The following GRID2 variants were observed in gnomAD, a reference collection of about 807,000 sequenced individuals.
GRID2 encodes the protein glutamate receptor ionotropic, delta-2.
GRID2 carries 33 observed loss-of-function variants against 114.8 expected under a neutral mutation model. The ratio of observed to expected loss-of-function variants is 0.29; its 90% confidence interval spans 0.22 to 0.38. The LOEUF (loss-of-function observed/expected upper bound fraction) is 0.38, where lower values mean the gene tolerates loss of function less well. Among genes scored for constraint, GRID2 ranks in the 10% least tolerant of loss-of-function variants. GRID2 has a pLI of 1.00. For synonymous variants in GRID2, 505 were observed against 449.9 expected (o/e 1.12, Z -1.55); for missense variants, 1,184 against 1,257.7 (o/e 0.94, Z 0.89).
intron 1 of GRID2, among the ~76,000 whole-genome samples, chr4:92,462,081 T>A (rs1489185438): frequency 6.6e-6 from 1 of 152,100 alleles, no homozygotes; most frequent in Non-Finnish European, 1.5e-5. Context: ...ATGTACTTCT[T>A]TAATTCACAA....
chr4:92,312,005 A>G lies in GRID2; in HGVS notation c.88+7261A>G, dbSNP rs559718363. Among the ~76,000 whole-genome samples the G allele has an allele frequency of 2.0e-4, 30 of 152,228 alleles. 1 individual carries two copies. In the South Asian group the frequency reaches 5.6e-3, roughly 28 times the overall value. ...ATGAAGGGTGACAAAGTATGTTTTCATTGGAACAGAGACTTGATCCAAAGA... is the reference window on the plus strand; with the variant it reads ...ATGAAGGGTGACAAAGTATGTTTTCGTTGGAACAGAGACTTGATCCAAAGA... On this transcript the variant is annotated intron_variant, in intron 1 of 15. Coordinates refer to ENST00000282020, the MANE Select transcript of GRID2 (RefSeq NM_001510.4).
At chr4:92,529,276 A>T (rs4693299) in intron 1 of GRID2, among the ~76,000 whole-genome samples, 59,576 of 150,692 alleles carry the variant, frequency 0.4, 11,912 homozygotes, top group Middle Eastern at 0.5. Context: ...CAATGTAGTG[A>T]GAGAGAGAGA....
At chr4:92,863,730 A>G (rs1181130550) in intron 2 of GRID2, among the ~76,000 whole-genome samples, 1 of 152,124 alleles carries the variant, frequency 6.6e-6, no homozygotes, top group African/African-American at 2.4e-5. Flanking sequence ...TCCGTGCCAC[A>G]GGATTTTAGA....
rs1167772161 is a variant in GRID2 at position 93,782,772 on chromosome 4, C to T, written c.221+13322C>T. ...AATATAAAACAAGAAATAAGCAATA[C>T]GGGTTTTTATAAATTTAAAATAACT... is the stretch of plus-strand genomic sequence containing the variant. On this transcript the variant is annotated intron_variant, in intron 1 of 1. Transcript: ENST00000637838. Among the ~76,000 whole-genome samples the T allele has an allele frequency of 3.9e-5, 6 of 152,146 alleles. No individual in the cohort carries two copies. In the East Asian group the frequency reaches 7.7e-4, roughly 20 times the overall value.
chr4:92,427,204 T>G (rs1369686282), intron 1 of GRID2, among the ~76,000 whole-genome samples: 2 of 152,208 alleles, frequency 1.3e-5, no homozygotes. Context: ...TTAGTTAATC[T>G]TGTATTCTTT....
intron 8 of GRID2, among the ~76,000 whole-genome samples, chr4:93,335,846 A>C (rs1759024507): frequency 6.6e-6 from 1 of 151,858 alleles, no homozygotes; most frequent in Admixed American, 6.6e-5. Context: ...CTACAGGCAC[A>C]CTATCATATT....
intron 2 of GRID2, among the ~76,000 whole-genome samples, chr4:92,902,746 G>T (rs1384636580): frequency 3.3e-5 from 5 of 151,992 alleles, no homozygotes; most frequent in Non-Finnish European, 7.4e-5. Context: ...ATTGAATAGG[G>T]TGTAATTCTC....
At chr4:93,327,009 C>G (rs1757908453) in intron 8 of GRID2, among the ~76,000 whole-genome samples, 1 of 151,990 alleles carries the variant, frequency 6.6e-6, no homozygotes, top group Non-Finnish European at 1.5e-5. Context: ...ATCTTAATGG[C>G]CAGTACTTCT....
chr4:92,513,691 G>A (rs1168884717), intron 1 of GRID2, among the ~76,000 whole-genome samples: 1 of 151,832 alleles, frequency 6.6e-6, no homozygotes, highest in African/African-American at 2.4e-5. Context: ...CATATGGGTA[G>A]AGATCCTGCC....
intron 6 of GRID2, among the ~76,000 whole-genome samples, chr4:93,222,003 T>C (rs999544622): frequency 3.9e-5 from 6 of 152,184 alleles, no homozygotes; most frequent in Admixed American, 3.3e-4. Context: ...TTTTCGTGTC[T>C]CAACGTCTGC....
chr4:92,939,662 T>A (rs1389450298), intron 2 of GRID2, among the ~76,000 whole-genome samples: 4 of 147,092 alleles, frequency 2.7e-5, no homozygotes, highest in Non-Finnish European at 6.0e-5. Flanking sequence ...CTGAATGGTA[T>A]TGCCTAGGTT....
At chr4:93,423,581 T>A (rs915566284) in intron 10 of GRID2, among the ~76,000 whole-genome samples, 8 of 152,056 alleles carry the variant, frequency 5.3e-5, no homozygotes, top group African/African-American at 1.9e-4. Context: ...GTTTTCTTTT[T>A]AAAAATGTGA....
At chr4:93,555,818 C>T (rs1734262764) in intron 13 of GRID2, among the ~76,000 whole-genome samples, 1 of 152,186 alleles carries the variant, frequency 6.6e-6, no homozygotes, top group Non-Finnish European at 1.5e-5. Flanking sequence ...CTGGGAGACA[C>T]CTCCCAGCAG....
intron 14 of GRID2, among the ~76,000 whole-genome samples, chr4:93,646,089 C>T (rs984395856): frequency 1.3e-5 from 2 of 152,096 alleles, no homozygotes; most frequent in African/African-American, 4.8e-5. Context: ...AGAGATAAAA[C>T]AGTGAACAAG....
At chr4:92,588,854 G>A (rs116089480) in intron 1 of GRID2, among the ~76,000 whole-genome samples, 5,851 of 152,062 alleles carry the variant, frequency 0.038, 130 homozygotes, top group Middle Eastern at 0.088. Context: ...TTTAATCCCA[G>A]CACTTTTGGA....
At chr4:93,651,582 T>C (rs1406848139) in intron 14 of GRID2, among the ~76,000 whole-genome samples, 1 of 152,190 alleles carries the variant, frequency 6.6e-6, no homozygotes, top group African/African-American at 2.4e-5. Context: ...GTATGCCTAT[T>C]TTGATGCAGT....
At chr4:92,322,737 T>C (rs963652209) in intron 1 of GRID2, among the ~76,000 whole-genome samples, 4 of 152,268 alleles carry the variant, frequency 2.6e-5, no homozygotes, top group Middle Eastern at 3.4e-3. Context: ...TCGCCAATAA[T>C]TCTGTCTTAG....
chr4:92,797,664 G>T (rs1739956370), intron 2 of GRID2, among the ~76,000 whole-genome samples: 1 of 151,688 alleles, frequency 6.6e-6, no homozygotes, highest in Non-Finnish European at 1.5e-5. Context: ...TATATTTTAT[G>T]CATTTATGAC....
chr4:93,498,099 G>A (rs1444388424), intron 12 of GRID2, among the ~76,000 whole-genome samples: 3 of 151,660 alleles, frequency 2.0e-5, no homozygotes, highest in East Asian at 1.9e-4. Flanking sequence ...TTGGTATCTC[G>A]ATCCATTTGT....
Sources: allele counts gnomAD v4.1 joint callset (sites outside exome capture counted in the v4.1 genomes callset), GRCh38; gene constraint gnomAD v4.1.1; transcripts MANE v1.5; gene names NCBI Gene and HGNC (gene_info 2026-07-23, HGNC 2026-07-21).